Variants in HIRA observed in about 807,000 individuals in gnomAD.
HIRA encodes the protein histone cell cycle regulator.
A neutral mutation model predicts 126.6 loss-of-function variants in HIRA; 13 were observed. The observed-to-expected ratio is 0.10, with a 90% CI of 0.07 to 0.16. The LOEUF is 0.16. Ranked by LOEUF, HIRA falls within the 10% of genes least tolerant of loss-of-function variation. HIRA has a pLI of 1.00. For missense variants in HIRA, 834 were observed against 1,314.4 expected (o/e 0.63, Z 5.65); for synonymous variants, 511 against 520.0 (o/e 0.98, Z 0.24).
chr22:19,373,298 G>T (rs1473382523), intron 15 of HIRA, among the ~76,000 whole-genome samples: 1 of 151,934 alleles, frequency 6.6e-6, no homozygotes, highest in Non-Finnish European at 1.5e-5. Flanking sequence ...TTTTGTTTTA[G>T]CTTTCATGTC....
At chr22:19,406,094 G>A (rs562385048) in intron 4 of HIRA, among the ~76,000 whole-genome samples, 1 of 152,250 alleles carries the variant, frequency 6.6e-6, no homozygotes, top group East Asian at 1.9e-4. Flanking sequence ...TCTTGCATGG[G>A]AAAACGTTCA....
At chr22:19,414,936 CTTAT>C (rs138847743) in intron 1 of HIRA, among the ~76,000 whole-genome samples, 19 of 150,678 alleles carry the variant, frequency 1.3e-4, no homozygotes, top group South Asian at 6.4e-4. Flanking sequence ...ACAACACAAA[CTTAT>C]TTATTTATTT....
At chr22:19,366,614 A>C (rs760097410) in intron 15 of HIRA, among the ~76,000 whole-genome samples, 3 of 152,228 alleles carry the variant, frequency 2.0e-5, no homozygotes, top group Non-Finnish European at 2.9e-5. Context: ...CTAGAAGTAA[A>C]GCCTGAAGAT....
Position 19,397,923 on chromosome 22 carries a change from C to T in HIRA, c.493+69G>A, listed in dbSNP as rs116786046. ...GTTGCCACCAAGACTAAGGAGACAGCCCAACCCCTGCTCCAGAAACTGACA... is the reference window on the plus strand; with the variant it reads ...GTTGCCACCAAGACTAAGGAGACAGTCCAACCCCTGCTCCAGAAACTGACA... On this transcript the variant is annotated intron_variant, in intron 6 of 24. Transcript: ENST00000263208. 692 of 1,164,014 alleles carry T rather than the reference C, an allele frequency of 5.9e-4. 2 individuals carry two copies. In the African/African-American group the frequency reaches 9.6e-3, roughly 16 times the overall value. The allele number at this position is 1,164,014 out of a possible 1,614,324, so 72.1% of individuals were successfully genotyped here.
At chr22:19,361,115 G>GGTGAT in intron 17 of HIRA, 122 bp downstream of exon 17, 1 of 752,360 alleles carries the variant, frequency 1.3e-6, no homozygotes, top group South Asian at 1.7e-5. Context: ...TCTCCCAGAA[G>GGTGAT]GTGATGGAGA....
At position 19,399,641 on chromosome 22, in the gene HIRA, C is replaced by T. The variant is rs371017812; in HGVS notation, c.398-1554G>A. On this transcript the variant is annotated intron_variant, in intron 5 of 24. Transcript: ENST00000263208. Reference sequence around the variant, plus strand: ...CTGAGCATCCTCATAGGTCTGGATTCTCATAAAACTGTAGACTGCTTTTCC... The same window carrying T: ...CTGAGCATCCTCATAGGTCTGGATTTTCATAAAACTGTAGACTGCTTTTCC... Among the ~76,000 whole-genome samples the T allele has an allele frequency of 6.6e-5, 10 of 152,262 alleles. No individual in the cohort carries two copies. The East Asian group carries it at 1.9e-3, about 29-fold the overall frequency.
chr22:19,332,214 G>A (rs1268719677), intron 24 of HIRA, among the ~76,000 whole-genome samples: 3 of 152,224 alleles, frequency 2.0e-5, no homozygotes, highest in African/African-American at 4.8e-5. Context: ...CTACCAGCCA[G>A]ACAACTTTAA....
intron 5 of HIRA, among the ~76,000 whole-genome samples, chr22:19,401,145 AAT>A (rs1293159404): frequency 1.3e-5 from 2 of 152,004 alleles, no homozygotes; most frequent in Non-Finnish European, 2.9e-5. Context: ...CCTTTGGCCC[AAT>A]GACACCACAT....
At chr22:19,375,008 T>C (rs2089004440) in intron 15 of HIRA, among the ~76,000 whole-genome samples, 1 of 152,200 alleles carries the variant, frequency 6.6e-6, no homozygotes, top group African/African-American at 2.4e-5. Context: ...TCAGTGCCAA[T>C]GGCAGAGGCT....
intron 1 of HIRA, chr22:19,430,271 G>A (rs1356600124): frequency 6.6e-6 from 1 of 152,132 alleles, no homozygotes; most frequent in African/African-American, 2.4e-5. Flanking sequence ...GGTAACTCAG[G>A]ATGAACAGTT....
intron 5 of HIRA, among the ~76,000 whole-genome samples, chr22:19,399,368 T>G (rs1395482049): frequency 6.7e-6 from 1 of 149,740 alleles, no homozygotes; most frequent in Non-Finnish European, 1.5e-5. Flanking sequence ...TTTTTTTTTT[T>G]CAAATTGTCT....
chr22:19,385,614 C>T lies in HIRA; in HGVS notation c.1236G>A (p.Gln412=). The T allele has an allele frequency of 6.2e-7, 1 of 1,609,696 alleles. No individual in the cohort carries two copies. Among genetic ancestry groups the T allele is most frequent in the Non-Finnish European group, 8.5e-7 (1 of 1,176,900 alleles). The stretch of plus-strand genomic sequence containing the variant: ...TGGTCGCAGCACTCTTCTGGTCCAG[C>T]TGCTGCTGCTGCTGCCTTCGCTGGT... ...LKYQRRQQQQ[Q]LDQKSAATRE... is the part of the protein sequence containing the mutation. Residue 412 remains glutamine, a synonymous_variant, in exon 12 of 25, where the codon CAG becomes CAA. Transcript: ENST00000263208.
chr22:19,404,659 G>A (rs1280331029), intron 5 of HIRA, among the ~76,000 whole-genome samples: 1 of 152,042 alleles, frequency 6.6e-6, no homozygotes, highest in Non-Finnish European at 1.5e-5. Context: ...CTCCTGCCCT[G>A]TCCTCGCCCA....
At chr22:19,356,318 AC>A in intron 19 of HIRA, 30 bp from the exon 20 acceptor site, 1 of 1,601,784 alleles carries the variant, frequency 6.2e-7, no homozygotes, top group African/African-American at 1.3e-5. Context: ...CAGTTTACTC[AC>A]CAACCCAGGT....
In HIRA at chr22:19,354,096, C is replaced by T; in HGVS notation, c.2584G>A (p.Asp862Asn). ...STWNLVSDKQ[D>N]SLAQCADFRS... ...AAGTCTGCACACTGAGCCAGTGAGT[C>T]CTGCTTGTCAGAAACCAGGTTCCTG... The change falls in exon 22 of 25, where the codon GAC becomes AAC. Residue 862 changes from aspartate to asparagine, a missense_variant. Physicochemically the swap from Asp to Asn is conservative, Grantham distance 23. This residue lies in a region of HIRA where 468 missense variants were observed against 574.2 expected (regional missense o/e 0.82). Coordinates refer to ENST00000263208, the MANE Select transcript of HIRA (RefSeq NM_003325.4). The T allele has an allele frequency of 1.2e-6, 2 of 1,613,066 alleles. No homozygotes were observed. Among genetic ancestry groups the T allele is most frequent in the East Asian group, 4.5e-5 (2 of 44,848 alleles).
chr22:19,361,180 G>A, intron 17 of HIRA, 57 bp downstream of exon 17: 1 of 1,281,426 alleles, frequency 7.8e-7, no homozygotes. Context: ...TATGCAGTAG[G>A]GGACAGAGAA....
chr22:19,334,140 A>G (rs556717644), intron 24 of HIRA, among the ~76,000 whole-genome samples: 4 of 151,448 alleles, frequency 2.6e-5, no homozygotes, highest in Admixed American at 1.3e-4. Context: ...ACGCCTGGCT[A>G]ATTTTTTTGT....
intron 15 of HIRA, among the ~76,000 whole-genome samples, chr22:19,362,526 A>G (rs539533806): frequency 2.6e-5 from 4 of 152,312 alleles, no homozygotes; most frequent in African/African-American, 9.6e-5. Flanking sequence ...CATAATTAAT[A>G]ATGCTGAGAG....
intron 17 of HIRA, among the ~76,000 whole-genome samples, chr22:19,360,296 C>G (rs1398813562): frequency 4.6e-5 from 7 of 152,140 alleles, no homozygotes; most frequent in Non-Finnish European, 1.0e-4. Flanking sequence ...TGGGAGAGTT[C>G]TGTGCTGAGA....
Sources: gnomAD v4.1 joint callset for allele counts (sites outside exome capture counted in the v4.1 genomes callset) on GRCh38, gnomAD v4.1.1 for gene constraint, gnomAD v4.1.1 regional missense constraint, MANE v1.5 for transcripts, NCBI Gene and HGNC (gene_info 2026-07-23, HGNC 2026-07-21) for gene names.